SIM2: variants seen among roughly 807,000 people sequenced by gnomAD.
SIM2 encodes single-minded homolog 2.
In SIM2, 28 loss-of-function variants were observed where a neutral mutation model predicts 64.8. That is an observed-to-expected ratio of 0.43 (90% CI 0.32 to 0.59). The LOEUF is 0.59. Ranked by LOEUF, SIM2 falls within the 20% of genes least tolerant of loss-of-function variation. SIM2 has a pLI of 0.07. For synonymous variants in SIM2, 408 were observed against 391.1 expected, an observed-to-expected ratio of 1.04 and a Z score of -0.51; for missense variants, 847 against 871.4, an observed-to-expected ratio of 0.97 and a Z score of 0.35.
intron 7 of SIM2, among the ~76,000 whole-genome samples, chr21:36,733,889 T>C (rs932834755): frequency 6.6e-6 from 1 of 152,188 alleles, no homozygotes; most frequent in African/African-American, 2.4e-5. Flanking sequence ...CCCCATTTGC[T>C]TTGGAACAGT....
Position 36,748,198 on chromosome 21 carries a change from T to C in SIM2, c.*106T>C, listed in dbSNP as rs1449881120. On this transcript the variant is annotated 3_prime_UTR_variant, in exon 11 of 11. Transcript: ENST00000290399. The stretch of plus-strand genomic sequence containing the variant: ...CTACATTAATTTATGCAGAGACAGC[T>C]GTTTGAATTGGACCCCGCCGCCGAC... 2.1e-6 allele frequency: 1 copy of C among 480,074 alleles called. No individual in the cohort carries two copies. Among genetic ancestry groups the C allele is most frequent in the Non-Finnish European group, 2.8e-6 (1 of 354,606 alleles). The allele number at this position is 480,074 out of a possible 1,614,324, so 29.7% of individuals were successfully genotyped here. A position where few individuals can be genotyped will look rare whatever the true frequency, so the allele number is the denominator to read the frequency against.
intron 7 of SIM2, among the ~76,000 whole-genome samples, chr21:36,736,181 C>T (rs1333093644): frequency 1.3e-5 from 2 of 152,192 alleles, no homozygotes; most frequent in African/African-American, 4.8e-5. Flanking sequence ...CAGGACTCCT[C>T]ACAGTGAGAT....
chr21:36,712,499 A>G lies in SIM2; in HGVS notation c.259-34A>G, dbSNP rs917110757. ...TTAGATTTAACTCTAATGTAGAATG[A>G]TCATCTCTTATTCTGACACTTTATC... On this transcript the variant is annotated intron_variant, in intron 2 of 10. Transcript: ENST00000290399. The G allele has an allele frequency of 2.1e-6, 3 of 1,402,496 alleles. No homozygotes were observed. In the African/African-American group the frequency reaches 4.2e-5, roughly 20 times the overall value. The allele number at this position is 1,402,496 out of a possible 1,614,324, so 86.9% of individuals were successfully genotyped here.
At chr21:36,700,138 C>G (rs968241385) in intron 1 of SIM2, among the ~76,000 whole-genome samples, 1 of 152,226 alleles carries the variant, frequency 6.6e-6, no homozygotes, top group African/African-American at 2.4e-5. Context: ...TCTCCTGGTC[C>G]AGGGCTGGGT....
At position 36,745,308 on chromosome 21, in the gene SIM2, C is replaced by G; in HGVS notation, c.1576+172C>G. 3 of 1,448,744 alleles carry G rather than the reference C, an allele frequency of 2.1e-6. No homozygotes were observed. The highest frequency in any genetic ancestry group is 2.7e-6 in the Non-Finnish European group (3 of 1,097,156). 89.7% of individuals were successfully genotyped at this position (1,448,744 alleles called of 1,614,324 possible). The stretch of plus-strand genomic sequence containing the variant: ...TGCTTTCTTGCTCTCAATGCAGGTG[C>G]TCCTCGAGAGTGAGAAATGGCAGTC... On this transcript the variant is annotated intron_variant, in intron 10 of 10. Transcript: ENST00000290399. The surrounding 1 kb of genome is among the most constrained non-coding windows in gnomAD (Gnocchi z 4.8).
At chr21:36,727,508 T>C (rs1322972464) in intron 6 of SIM2, among the ~76,000 whole-genome samples, 2 of 152,260 alleles carry the variant, frequency 1.3e-5, no homozygotes, top group Non-Finnish European at 2.9e-5. Context: ...ATGTTCTTAT[T>C]TGTAAAACAG....
intron 9 of SIM2, among the ~76,000 whole-genome samples, chr21:36,744,112 G>A (rs1181238680): frequency 2.0e-5 from 3 of 152,024 alleles, no homozygotes; most frequent in Non-Finnish European, 4.4e-5. Flanking sequence ...CGCGCCTGTA[G>A]TCCCAGCTAC....
At chr21:36,707,192 G>T (rs1214171811) in intron 1 of SIM2, among the ~76,000 whole-genome samples, 2 of 152,268 alleles carry the variant, frequency 1.3e-5, no homozygotes, top group Non-Finnish European at 2.9e-5. Flanking sequence ...AGCTGCCAGG[G>T]TGCCTTTGTC....
Position 36,741,807 on chromosome 21 carries a change from T to A in SIM2, c.941T>A (p.Val314Glu). The A allele has an allele frequency of 6.2e-7, 1 of 1,611,362 alleles. No homozygotes were observed. Among genetic ancestry groups the A allele is most frequent in the South Asian group, 1.1e-5 (1 of 90,392 alleles). Residue 314 changes from valine (V) to glutamate (E), a missense_variant, in exon 8 of 11, where the codon GTG (valine) becomes GAG (glutamate). Physicochemically the swap from Val to Glu is moderately radical, Grantham distance 121. Around this residue, in one of 3 missense-constraint regions of SIM2, gnomAD observed 397 missense variants for 439.2 expected, o/e 0.90. Transcript: ENST00000290399. ...WVWVQSYATVVHNSRSSRPHC... is the reference protein window; with the variant it reads ...WVWVQSYATVEHNSRSSRPHC... ...TGGGTGCAGAGCTACGCCACCGTGG[T>A]GCACAACAGCCGCTCGTCCCGGCCC...
intron 6 of SIM2, among the ~76,000 whole-genome samples, chr21:36,728,812 C>T (rs1471602144): frequency 1.3e-5 from 2 of 152,232 alleles, no homozygotes; most frequent in South Asian, 2.1e-4. Context: ...GGGCTTTGCC[C>T]GAAGTCCAGC....
At chr21:36,739,585 T>G (rs2123494620) in intron 7 of SIM2, among the ~76,000 whole-genome samples, 1 of 152,278 alleles carries the variant, frequency 6.6e-6, no homozygotes, top group South Asian at 2.1e-4. Flanking sequence ...ATGAAACCCT[T>G]TGTAGGTAAG....
At chr21:36,744,311 CAA>C (rs60354140) in intron 9 of SIM2, among the ~76,000 whole-genome samples, 13 of 41,768 alleles carry the variant, frequency 3.1e-4, no homozygotes, top group African/African-American at 4.4e-4. Flanking sequence ...CACATTATGA[CAA>C]AAAAAAAAAA....
chr21:36,744,744 A>G lies in SIM2; in HGVS notation c.1184A>G (p.Gln395Arg). ...PYPPQQYSSF[Q>R]MDKLECGQLG... ...GCCATGCAGCAATACAGCTCGTTCC[A>G]AATGGACAAACTGGAATGCGGCCAG... The change falls in exon 10 of 11, where the codon CAA becomes CGA. Residue 395 changes from glutamine to arginine, a missense_variant. Physicochemically the swap from Gln to Arg is conservative, Grantham distance 43. Coordinates refer to ENST00000290399, the MANE Select transcript of SIM2 (RefSeq NM_005069.6). 6.2e-7 allele frequency: 1 copy of G among 1,606,302 alleles called. No individual in the cohort carries two copies. The highest frequency in any genetic ancestry group is 2.2e-5 in the East Asian group (1 of 44,618).
intron 1 of SIM2, among the ~76,000 whole-genome samples, chr21:36,707,913 G>A (rs1268775967): frequency 6.7e-6 from 1 of 150,118 alleles, no homozygotes; most frequent in South Asian, 2.2e-4. Context: ...TTCAGTGCTC[G>A]CGGCACCACC....
At chr21:36,720,026 TG>T (rs1234839742) in intron 4 of SIM2, 97 bp downstream of exon 4, 16 of 865,788 alleles carry the variant, frequency 1.8e-5, no homozygotes, top group Non-Finnish European at 3.1e-5. Context: ...GCCAAGTGGC[TG>T]GGCATGACTA....
At chr21:36,719,374 C>A (rs2088791125) in intron 3 of SIM2, among the ~76,000 whole-genome samples, 1 of 152,268 alleles carries the variant, frequency 6.6e-6, no homozygotes, top group Admixed American at 6.5e-5. Context: ...ACAACACTTC[C>A]ACAGGGAGCA....
At position 36,729,718 on chromosome 21, in the gene SIM2, T is replaced by G. The variant is rs141147268; in HGVS notation, c.744-1327T>G. Among the ~76,000 whole-genome samples the G allele has an allele frequency of 2.8e-3, 431 of 151,914 alleles. 2 individuals carry two copies. The highest frequency in any genetic ancestry group is 0.01 in the African/African-American group (419 of 41,450). ...TCCCTTCATCCCTCTCTCTTTCATC[T>G]GTTCTTGAAAATCTATCACCAAGAT... On this transcript the variant is annotated intron_variant, in intron 6 of 10. Transcript: ENST00000290399.
In SIM2 at chr21:36,745,787, G is replaced by T. The variant is rs1216517547; in HGVS notation, c.1576+651G>T. On this transcript the variant is annotated intron_variant, in intron 10 of 10. Transcript: ENST00000290399. This position sits in a 1 kb window ranked among gnomAD's most constrained non-coding sequence, Gnocchi z 4.8. The stretch of plus-strand genomic sequence containing the variant: ...AAGGAATGGCCTTTCACCTTCTCCT[G>T]GTGGCAGGCAAGCAGATGTCCTCTG... 2 of 1,303,430 alleles carry T rather than the reference G, an allele frequency of 1.5e-6. No homozygotes were observed. The highest frequency in any genetic ancestry group is 1.1e-4 in the East Asian group (2 of 18,004). 80.7% of individuals were successfully genotyped at this position (1,303,430 alleles called of 1,614,324 possible). A position where few individuals can be genotyped will look rare whatever the true frequency, so the allele number is the denominator to read the frequency against.
chr21:36,712,737 A>G, intron 3 of SIM2, 115 bp downstream of exon 3: 1 of 678,104 alleles, frequency 1.5e-6, no homozygotes, highest in Non-Finnish European at 2.6e-6. Context: ...TTTGTGTAAG[A>G]ACATAACCCT....
Sources: allele counts gnomAD v4.1 joint callset (sites outside exome capture counted in the v4.1 genomes callset), GRCh38; gene constraint gnomAD v4.1.1; regional missense constraint gnomAD v4.1.1; non-coding constraint Gnocchi (gnomAD v3.1); transcripts MANE v1.5; gene names NCBI Gene and HGNC (gene_info 2026-07-23, HGNC 2026-07-21).